Variants in GABRG3 observed in about 807,000 individuals in gnomAD.
GABRG3 encodes gamma-aminobutyric acid type A receptor subunit gamma3.
A neutral mutation model predicts 48.8 loss-of-function variants in GABRG3; 25 were observed. That is an observed-to-expected ratio of 0.51 (90% CI 0.37 to 0.72). The LOEUF (loss-of-function observed/expected upper bound fraction) is 0.72, where lower values mean the gene tolerates loss of function less well. GABRG3 is among the 30% of genes least tolerant of loss of function. The pLI is 0.00. For synonymous variants in GABRG3, 227 were observed against 217.6 expected, an observed-to-expected ratio of 1.04 and a Z score of -0.38; for missense variants, 394 against 577.9, an observed-to-expected ratio of 0.68 and a Z score of 3.26.
intron 5 of GABRG3, among the ~76,000 whole-genome samples, chr15:27,446,013 C>G (rs1206746865): frequency 6.6e-6 from 1 of 151,990 alleles, no homozygotes; most frequent in Non-Finnish European, 1.5e-5. Context: ...TATTTCTATC[C>G]TGATTTCAGT....
chr15:27,290,926 CTG>C (rs1459581999), intron 3 of GABRG3, among the ~76,000 whole-genome samples: 3 of 152,100 alleles, frequency 2.0e-5, no homozygotes, highest in Non-Finnish European at 4.4e-5. Context: ...GAATATTTAA[CTG>C]TTTAGCACCA....
chr15:27,091,931 C>T lies in GABRG3; in HGVS notation c.270+65110C>T, dbSNP rs750545314. Among the ~76,000 whole-genome samples the T allele has an allele frequency of 4.5e-4, 68 of 152,264 alleles. 1 individual carries two copies. The Middle Eastern group carries it at 0.02, about 46-fold the overall frequency. ...TTGTTATAACCCTGTGGCTATCTTT[C>T]GGCATGCTGGTAAGGTTGATTCTGC... is the stretch of plus-strand genomic sequence containing the variant. On this transcript the variant is annotated intron_variant, in intron 3 of 9. Coordinates refer to ENST00000615808, the MANE Select transcript of GABRG3 (RefSeq NM_033223.5).
chr15:27,433,190 C>T (rs925399165), intron 5 of GABRG3, among the ~76,000 whole-genome samples: 1 of 152,210 alleles, frequency 6.6e-6, no homozygotes, highest in Non-Finnish European at 1.5e-5. Context: ...AGTTTTTGCC[C>T]ATGCCCAAAG....
At chr15:27,372,013 A>G (rs1895430777) in intron 5 of GABRG3, among the ~76,000 whole-genome samples, 1 of 152,178 alleles carries the variant, frequency 6.6e-6, no homozygotes. Context: ...TTTTACTGTA[A>G]TTAATACTGT....
At chr15:27,105,915 G>A (rs1337383095) in intron 3 of GABRG3, among the ~76,000 whole-genome samples, 1 of 152,052 alleles carries the variant, frequency 6.6e-6, no homozygotes, top group Admixed American at 6.5e-5. Flanking sequence ...AAACTGTGGT[G>A]TGTATATACA....
chr15:27,514,022 G>A (rs1890961527), intron 6 of GABRG3, among the ~76,000 whole-genome samples: 2 of 152,162 alleles, frequency 1.3e-5, no homozygotes, highest in South Asian at 4.1e-4. Context: ...CTTTCAGGCA[G>A]CTACACTGAT....
At chr15:27,308,262 A>ATATCCAAACATATATAAACATACGTT (rs1461540673) in intron 3 of GABRG3, among the ~76,000 whole-genome samples, 1 of 140,952 alleles carries the variant, frequency 7.1e-6, no homozygotes, top group Non-Finnish European at 1.5e-5. Flanking sequence ...ATACGTTTAT[A>ATATCCAAACATATATAAACATACGTT]TATAAACATA....
intron 6 of GABRG3, among the ~76,000 whole-genome samples, chr15:27,510,211 T>C (rs772671091): frequency 6.6e-6 from 1 of 152,178 alleles, no homozygotes; most frequent in Non-Finnish European, 1.5e-5. Flanking sequence ...GATCAAGGGA[T>C]GGTGAGATGT....
At chr15:27,312,029 A>C in intron 3 of GABRG3, among the ~76,000 whole-genome samples, 1 of 152,154 alleles carries the variant, frequency 6.6e-6, no homozygotes, top group Non-Finnish European at 1.5e-5. Context: ...GCCTGAAAAA[A>C]ATTAGAATAA....
intron 3 of GABRG3, among the ~76,000 whole-genome samples, chr15:27,129,506 G>T (rs948319908): frequency 6.6e-6 from 1 of 152,136 alleles, no homozygotes; most frequent in Non-Finnish European, 1.5e-5. Context: ...GCTACTATGT[G>T]TACACAAATA....
chr15:27,281,086 T>G (rs1300696848), intron 3 of GABRG3, among the ~76,000 whole-genome samples: 1 of 152,194 alleles, frequency 6.6e-6, no homozygotes, highest in African/African-American at 2.4e-5. Context: ...CTCTCTGACC[T>G]TGGTAATTCT....
intron 3 of GABRG3, among the ~76,000 whole-genome samples, chr15:27,286,413 C>A (rs1249828762): frequency 3.2e-4 from 49 of 152,172 alleles, no homozygotes; most frequent in Admixed American, 3.2e-3. Context: ...ACAGTTTCAT[C>A]TTCTTCCTTC....
At chr15:27,294,417 A>G (rs980508016) in intron 3 of GABRG3, among the ~76,000 whole-genome samples, 3 of 151,928 alleles carry the variant, frequency 2.0e-5, no homozygotes, top group Non-Finnish European at 4.4e-5. Flanking sequence ...GCATTTAGCC[A>G]TGTTGCCCAG....
intron 5 of GABRG3, among the ~76,000 whole-genome samples, chr15:27,384,630 A>G (rs1895869968): frequency 6.6e-6 from 1 of 152,188 alleles, no homozygotes; most frequent in African/African-American, 2.4e-5. Context: ...CTAATTATTT[A>G]GTAATATTCT....
At chr15:27,216,057 T>C (rs1889235586) in intron 3 of GABRG3, among the ~76,000 whole-genome samples, 1 of 152,200 alleles carries the variant, frequency 6.6e-6, no homozygotes, top group African/African-American at 2.4e-5. Flanking sequence ...AAGGAGACTC[T>C]GCAAAGATCT....
intron 5 of GABRG3, among the ~76,000 whole-genome samples, chr15:27,370,063 A>G (rs1177586547): frequency 6.6e-6 from 1 of 152,154 alleles, no homozygotes; most frequent in Admixed American, 6.5e-5. Context: ...TTCTTGAAAA[A>G]CAAAGCCATT....
intron 6 of GABRG3, among the ~76,000 whole-genome samples, chr15:27,518,594 CTAAG>C (rs1325347543): frequency 6.6e-6 from 1 of 151,912 alleles, no homozygotes; most frequent in African/African-American, 2.4e-5. Flanking sequence ...GATTTTTAAG[CTAAG>C]TGAGTGAATA....
At chr15:27,336,190 A>AAAAG (rs201866335) in intron 5 of GABRG3, among the ~76,000 whole-genome samples, 24 of 146,282 alleles carry the variant, frequency 1.6e-4, no homozygotes, top group Middle Eastern at 3.4e-3. Context: ...AGTCAGTATG[A>AAAAG]AAAGAAAGAA....
chr15:27,066,982 T>C (rs1896748535), intron 3 of GABRG3, among the ~76,000 whole-genome samples: 2 of 152,196 alleles, frequency 1.3e-5, no homozygotes, highest in Admixed American at 6.5e-5. Context: ...GGTGGGATAA[T>C]CTGACTACTA....
Sources: gnomAD v4.1 joint callset for allele counts (sites outside exome capture counted in the v4.1 genomes callset) on GRCh38, gnomAD v4.1.1 for gene constraint, MANE v1.5 for transcripts, NCBI Gene and HGNC (gene_info 2026-07-23, HGNC 2026-07-21) for gene names.